The following COPS4 variants were observed in gnomAD, a reference collection of about 807,000 sequenced individuals.
COPS4 encodes COP9 signalosome subunit 4, also known as COP9 signalosome complex subunit 4.
A neutral mutation model predicts 55.1 loss-of-function variants in COPS4; 8 were observed. The observed-to-expected ratio is 0.15, with a 90% CI of 0.09 to 0.26. The LOEUF (loss-of-function observed/expected upper bound fraction) is 0.26, where lower values mean the gene tolerates loss of function less well. Ranked by LOEUF, COPS4 falls within the 10% of genes least tolerant of loss-of-function variation. The pLI, the probability that COPS4 is intolerant of heterozygous loss-of-function variation, is 1.00. For missense variants in COPS4, 248 were observed against 484.0 expected, an observed-to-expected ratio of 0.51 and a Z score of 4.58; for synonymous variants, 185 against 165.7, an observed-to-expected ratio of 1.12 and a Z score of -0.90.
intron 9 of COPS4, chr4:83,073,056 T>G (rs1418799596): frequency 2.4e-6 from 1 of 422,128 alleles, no homozygotes; most frequent in Non-Finnish European, 4.2e-6. Flanking sequence ...AACAGAACAG[T>G]AGCCATTTTA....
chr4:83,056,861 C>A, intron 4 of COPS4, 65 bp from the exon 5 acceptor site: 2 of 1,312,748 alleles, frequency 1.5e-6, no homozygotes, highest in South Asian at 2.7e-5. Flanking sequence ...AACATATCTT[C>A]TATTATTCCT....
intron 6 of COPS4, among the ~76,000 whole-genome samples, chr4:83,060,855 A>G (rs547676738): frequency 9.9e-5 from 15 of 151,558 alleles, no homozygotes; most frequent in Non-Finnish European, 1.9e-4. Context: ...ACTAACATGG[A>G]GAAACCTCGT....
chr4:83,060,557 C>T (rs1243413048), intron 6 of COPS4, among the ~76,000 whole-genome samples: 5 of 151,380 alleles, frequency 3.3e-5, no homozygotes, highest in African/African-American at 7.3e-5. Flanking sequence ...CTACCCACCT[C>T]GGCCTCCCAA....
intron 6 of COPS4, among the ~76,000 whole-genome samples, chr4:83,058,148 T>C (rs1170933159): frequency 1.3e-5 from 2 of 151,964 alleles, no homozygotes; most frequent in Non-Finnish European, 2.9e-5. Flanking sequence ...GTAACAAATA[T>C]TGTTTGTTCT....
At chr4:83,068,829 G>T (rs1303234909) in intron 9 of COPS4, among the ~76,000 whole-genome samples, 1 of 152,134 alleles carries the variant, frequency 6.6e-6, no homozygotes, top group Admixed American at 6.5e-5. Flanking sequence ...AATTAGCCAG[G>T]TGTGGTGACA....
At chr4:83,073,342 A>G in intron 9 of COPS4, 1 of 659,300 alleles carries the variant, frequency 1.5e-6, no homozygotes, top group Non-Finnish European at 2.8e-6. Context: ...GGGTTCATCC[A>G]TGTCATGGCA....
chr4:83,044,616 A>G (rs1350865022), intron 1 of COPS4, among the ~76,000 whole-genome samples: 1 of 151,268 alleles, frequency 6.6e-6, no homozygotes, highest in African/African-American at 2.4e-5. Context: ...CTTTACTAAA[A>G]ATACAAAAAT....
chr4:83,049,358 G>A, intron 3 of COPS4, 41 bp downstream of exon 3: 3 of 1,509,974 alleles, frequency 2.0e-6, no homozygotes, highest in Non-Finnish European at 2.7e-6. Context: ...TGAGATAGCA[G>A]CAGTTATTTT....
At chr4:83,049,772 C>A in intron 3 of COPS4, 109 bp from the exon 4 acceptor site, 1 of 667,892 alleles carries the variant, frequency 1.5e-6, no homozygotes, top group Non-Finnish European at 2.5e-6. Context: ...TTACTGTTTA[C>A]GTGGCAGCTT....
chr4:83,042,142 G>A (rs1050670726), intron 1 of COPS4, among the ~76,000 whole-genome samples: 1 of 152,192 alleles, frequency 6.6e-6, no homozygotes, highest in Admixed American at 6.5e-5. Context: ...TGGGATTACA[G>A]GCGTGAGCCA....
At chr4:83,058,225 C>A (rs1221486432) in intron 6 of COPS4, among the ~76,000 whole-genome samples, 1 of 152,086 alleles carries the variant, frequency 6.6e-6, no homozygotes, top group Non-Finnish European at 1.5e-5. Flanking sequence ...AATGCTAATT[C>A]TAAACCATAG....
intron 4 of COPS4, among the ~76,000 whole-genome samples, chr4:83,054,888 T>A (rs1730978357): frequency 6.6e-6 from 1 of 152,242 alleles, no homozygotes; most frequent in Non-Finnish European, 1.5e-5. Flanking sequence ...CAAAAAATGA[T>A]TCATTCTGAT....
chr4:83,043,402 C>G (rs1036068840), intron 1 of COPS4, among the ~76,000 whole-genome samples: 2 of 150,904 alleles, frequency 1.3e-5, no homozygotes, highest in Non-Finnish European at 2.9e-5. Flanking sequence ...GCCTGTAGTC[C>G]TAGCTACTCA....
In COPS4 at chr4:83,041,278, G is replaced by T. The variant is rs182546176; in HGVS notation, c.75-4348G>T. Among the ~76,000 whole-genome samples, 1,031 of 152,002 alleles carry T rather than the reference G, an allele frequency of 6.8e-3. 10 individuals carry two copies. The highest frequency in any genetic ancestry group is 0.023 in the African/African-American group (960 of 41,454). On this transcript the variant is annotated intron_variant, in intron 1 of 9. Coordinates refer to ENST00000264389, the MANE Select transcript of COPS4 (RefSeq NM_016129.3). ...GAGTTTCACCATGTTGGGCAGGCTG[G>T]TCTTGAACTCCTGACCTCAGGTGAT...
chr4:83,052,578 C>T (rs1439211779), intron 4 of COPS4, among the ~76,000 whole-genome samples: 1 of 152,052 alleles, frequency 6.6e-6, no homozygotes, highest in Non-Finnish European at 1.5e-5. Context: ...TGTGTAAGTA[C>T]TCTTTCATTG....
At chr4:83,045,494 C>A in intron 1 of COPS4, 132 bp from the exon 2 acceptor site, 2 of 580,360 alleles carry the variant, frequency 3.4e-6, no homozygotes, top group Non-Finnish European at 5.9e-6. Context: ...CTGTGGTATA[C>A]TATAAAGAAA....
At chr4:83,041,224 G>A (rs548342045) in intron 1 of COPS4, among the ~76,000 whole-genome samples, 4 of 151,678 alleles carry the variant, frequency 2.6e-5, no homozygotes, top group Admixed American at 6.6e-5. Context: ...CACCACGCCC[G>A]GCTAATTTTT....
chr4:83,044,444 CA>C (rs35654094), intron 1 of COPS4, among the ~76,000 whole-genome samples: 16,395 of 59,994 alleles, frequency 0.27, 985 homozygotes, highest in East Asian at 0.36. Flanking sequence ...GACTCCATCT[CA>C]AAAAAAAAAA....
chr4:83,057,726 T>C (rs1578714196), intron 6 of COPS4, among the ~76,000 whole-genome samples: 1 of 151,832 alleles, frequency 6.6e-6, no homozygotes, highest in African/African-American at 2.4e-5. Flanking sequence ...ATCGAGACCA[T>C]CCTGGCTAAC....
Sources: allele counts gnomAD v4.1 joint callset (sites outside exome capture counted in the v4.1 genomes callset), GRCh38; gene constraint gnomAD v4.1.1; transcripts MANE v1.5; gene names NCBI Gene and HGNC (gene_info 2026-07-23, HGNC 2026-07-21).